PCDHA4: variants seen among roughly 807,000 people sequenced by gnomAD.
The protein encoded by PCDHA4 is protocadherin alpha-4.
A neutral mutation model predicts 61.4 loss-of-function variants in PCDHA4; 49 were observed. The observed-to-expected ratio is 0.80, with a 90% CI of 0.63 to 1.01. The LOEUF (loss-of-function observed/expected upper bound fraction) is 1.01. Among genes scored for constraint, PCDHA4 ranks in the 50% least tolerant of loss-of-function variants. The pLI, the probability that PCDHA4 is intolerant of heterozygous loss-of-function variation, is 0.00. For synonymous variants in PCDHA4, 590 were observed against 550.3 expected (o/e 1.07, Z -1.01); for missense variants, 1,254 against 1,235.8 (o/e 1.01, Z -0.22).
chr5:140,849,883 T>C lies in PCDHA4; in HGVS notation c.2385+40311T>C, dbSNP rs2150456208. The C allele has an allele frequency of 4.4e-6, 7 of 1,598,290 alleles. No homozygotes were observed. Among genetic ancestry groups the C allele is most frequent in the Non-Finnish European group, 6.0e-6 (7 of 1,167,932 alleles). ...TTCGCGCAGTCCGAGTACACGGTGTTCGTGAAGGAGAACAACCCGCCGGGC... is the reference window on the plus strand; with the variant it reads ...TTCGCGCAGTCCGAGTACACGGTGTCCGTGAAGGAGAACAACCCGCCGGGC... On this transcript the variant is annotated intron_variant, in intron 1 of 3. Transcript: ENST00000530339.
At chr5:140,921,435 A>C (rs997660613) in intron 1 of PCDHA4, among the ~76,000 whole-genome samples, 4 of 152,120 alleles carry the variant, frequency 2.6e-5, no homozygotes, top group African/African-American at 4.8e-5. Flanking sequence ...ATTTTCTTCA[A>C]TGGTGTCTGA....
intron 1 of PCDHA4, chr5:140,884,661 A>C: frequency 6.3e-7 from 1 of 1,590,384 alleles, no homozygotes; most frequent in African/African-American, 1.3e-5. Context: ...TGCTTGAAAG[A>C]GGTAAGCTTA....
chr5:140,967,665 C>A, intron 1 of PCDHA4: 1 of 1,614,154 alleles, frequency 6.2e-7, no homozygotes, highest in Non-Finnish European at 8.5e-7. Context: ...AGCAGCTACA[C>A]GTCGGACCGG....
At position 140,869,619 on chromosome 5, in the gene PCDHA4, A is replaced by G. The variant is rs369497274; in HGVS notation, c.2385+60047A>G. On this transcript the variant is annotated intron_variant, in intron 1 of 3. Transcript: ENST00000530339. ...AGAATGCTCTATTGACCTACAGGCT[A>G]AGTAAAAATGAGTATTTTTCTTTAG... The G allele has an allele frequency of 6.6e-5, 106 of 1,613,784 alleles. 2 individuals carry two copies. The Middle Eastern group carries it at 4.9e-3, about 75-fold the overall frequency.
chr5:140,910,381 TG>T (rs2075003327), intron 1 of PCDHA4, among the ~76,000 whole-genome samples: 1 of 152,188 alleles, frequency 6.6e-6, no homozygotes, highest in Admixed American at 6.5e-5. Context: ...ACCTTGCCTT[TG>T]ACAGTTGACT....
intron 1 of PCDHA4, chr5:140,852,884 T>A (rs1486240342): frequency 6.4e-6 from 6 of 931,694 alleles, no homozygotes; most frequent in Non-Finnish European, 7.8e-6. Context: ...TCATAAAACG[T>A]ATTTTTTTTT....
At chr5:140,987,262 G>A (rs563934474) in intron 3 of PCDHA4, among the ~76,000 whole-genome samples, 1 of 151,978 alleles carries the variant, frequency 6.6e-6, no homozygotes, top group South Asian at 2.1e-4. Context: ...TCTCAGGAAT[G>A]GGACCCGGCA....
chr5:140,873,995 GT>G (rs1354813199), intron 1 of PCDHA4, among the ~76,000 whole-genome samples: 2 of 152,166 alleles, frequency 1.3e-5, no homozygotes, highest in African/African-American at 4.8e-5. Context: ...AGCATGTATG[GT>G]ACATTGACCA....
chr5:140,876,206 C>T, intron 1 of PCDHA4: 1 of 1,613,864 alleles, frequency 6.2e-7, no homozygotes, highest in South Asian at 1.1e-5. Context: ...TTTGATAAGC[C>T]CAGCTATAAA....
At position 140,881,397 on chromosome 5, in the gene PCDHA4, T is replaced by C. The variant is rs571341331; in HGVS notation, c.2385+71825T>C. On this transcript the variant is annotated intron_variant, in intron 1 of 3. Transcript: ENST00000530339. ...CAGCCGGCGGCGGTAAGTTAAATTC[T>C]ATTAAATCAATAGGATATTAGTTCC... 20 of 979,006 alleles carry C rather than the reference T, an allele frequency of 2.0e-5. No homozygotes were observed. In the African/African-American group the frequency reaches 3.5e-4, roughly 17 times the overall value. 60.6% of individuals were successfully genotyped at this position (979,006 alleles called of 1,614,324 possible). A position where few individuals can be genotyped will look rare whatever the true frequency, so the allele number is the denominator to read the frequency against.
At position 140,997,438 on chromosome 5, in the gene PCDHA4, A is replaced by G. The variant is rs182158337; in HGVS notation, c.2534-12189A>G. ...CTCCTAGGCTACAAACCTGTATATC[A>G]TGTTACTATACTGAATACTGTAGGC... On this transcript the variant is annotated intron_variant, in intron 3 of 3. Transcript: ENST00000530339. Among the ~76,000 whole-genome samples, 274 of 152,308 alleles carry G rather than the reference A, an allele frequency of 1.8e-3. 2 individuals are homozygous for G. The highest frequency in any genetic ancestry group is 6.0e-3 in the African/African-American group (248 of 41,560).
chr5:140,877,371 G>C, intron 1 of PCDHA4: 2 of 1,613,994 alleles, frequency 1.2e-6, no homozygotes, highest in Non-Finnish European at 8.5e-7. Context: ...AGATCAGCAC[G>C]ACACGCATCC....
chr5:140,872,231 T>A (rs1050025307), intron 1 of PCDHA4, among the ~76,000 whole-genome samples: 2 of 152,228 alleles, frequency 1.3e-5, no homozygotes, highest in Non-Finnish European at 2.9e-5. Context: ...TCTTTACTTT[T>A]GTCTTTATTC....
chr5:140,933,503 AAAGACT>A (rs2089194435), intron 1 of PCDHA4, among the ~76,000 whole-genome samples: 1 of 152,098 alleles, frequency 6.6e-6, no homozygotes, highest in Non-Finnish European at 1.5e-5. Flanking sequence ...ATTGTTAAGC[AAAGACT>A]ACAGCTGTTT....
At chr5:140,887,473 G>T (rs574265811) in intron 1 of PCDHA4, among the ~76,000 whole-genome samples, 10 of 152,222 alleles carry the variant, frequency 6.6e-5, no homozygotes, top group African/African-American at 2.4e-4. Flanking sequence ...TAATTCAGTT[G>T]TCTTCTGGCT....
In PCDHA4 at chr5:140,985,229, G is replaced by T. The variant is rs903728570; in HGVS notation, c.2533+2666G>T. ...TGGGATTACAGGCGTGAGCCACCGC[G>T]CCTGGCCTAATCTTCTTACTCTTTT... On this transcript the variant is annotated intron_variant, in intron 3 of 3. Transcript: ENST00000530339. 3.9e-5 allele frequency among the ~76,000 whole-genome samples: 6 copies of T among 152,216 alleles called. No homozygotes were observed. The South Asian group carries it at 6.2e-4, about 16-fold the overall frequency.
At chr5:140,977,634 T>A (rs187884163) in intron 1 of PCDHA4, among the ~76,000 whole-genome samples, 83 of 152,298 alleles carry the variant, frequency 5.4e-4, no homozygotes, top group African/African-American at 1.9e-3. Context: ...TTGTAACTTT[T>A]TCTGGGCCTT....
chr5:140,855,868 A>C, intron 1 of PCDHA4: 1 of 837,366 alleles, frequency 1.2e-6, no homozygotes, highest in Non-Finnish European at 1.8e-6. Flanking sequence ...GCTGTCGTCC[A>C]CAAAATAGCT....
At chr5:140,920,023 C>T (rs1554199365) in intron 1 of PCDHA4, among the ~76,000 whole-genome samples, 1 of 152,096 alleles carries the variant, frequency 6.6e-6, no homozygotes, top group Non-Finnish European at 1.5e-5. Flanking sequence ...AAGATGGAGA[C>T]AGAGATTGGA....
Sources: gnomAD v4.1 joint callset for allele counts (sites outside exome capture counted in the v4.1 genomes callset) on GRCh38, gnomAD v4.1.1 for gene constraint, MANE v1.5 for transcripts, NCBI Gene and HGNC (gene_info 2026-07-23, HGNC 2026-07-21) for gene names.